Variants in ARHGEF38 observed in about 807,000 individuals in gnomAD.
ARHGEF38 encodes Rho guanine nucleotide exchange factor (GEF) 38.
A neutral mutation model predicts 79.9 loss-of-function variants in ARHGEF38; 79 were observed. The observed-to-expected ratio is 0.99, with a 90% CI of 0.82 to 1.19. The LOEUF is 1.19. Among genes scored for constraint, ARHGEF38 ranks in the 50% most tolerant of loss-of-function variants. The probability of loss-of-function intolerance (pLI) is 0.00; values close to 1 mark genes in which losing one functional copy is unlikely to be tolerated. For missense variants in ARHGEF38, 962 were observed against 907.2 expected (o/e 1.06, Z -0.78); for synonymous variants, 366 against 328.3 (o/e 1.11, Z -1.24).
intron 10 of ARHGEF38, among the ~76,000 whole-genome samples, chr4:105,662,489 A>G (rs930176715): frequency 6.6e-6 from 1 of 152,138 alleles, no homozygotes; most frequent in Non-Finnish European, 1.5e-5. Context: ...TAAGGCTCCA[A>G]ATAAATTCAG....
At position 105,585,842 on chromosome 4, in the gene ARHGEF38, C is replaced by T. The variant is rs150765192; in HGVS notation, c.197-3406C>T. Among the ~76,000 whole-genome samples, 47 of 138,740 alleles carry T rather than the reference C, an allele frequency of 3.4e-4. No individual in the cohort carries two copies. In the East Asian group the frequency reaches 0.011, roughly 33 times the overall value. The allele number at this position is 138,740 out of a possible 152,430, so 91.0% of individuals were successfully genotyped here. On this transcript the variant is annotated intron_variant, in intron 1 of 13. Coordinates refer to ENST00000420470, the MANE Select transcript of ARHGEF38 (RefSeq NM_001242729.2). ...CGCCTGGTGGGTTCAAGTGATTCTC[C>T]TGCCTTAGCCTCCCAAGTAGCTGGG... is the stretch of plus-strand genomic sequence containing the variant.
chr4:105,666,736 G>C (rs553726592), intron 11 of ARHGEF38, among the ~76,000 whole-genome samples: 1 of 152,084 alleles, frequency 6.6e-6, no homozygotes, highest in Non-Finnish European at 1.5e-5. Context: ...CTTGATTCTT[G>C]TCTAATTTGC....
At chr4:105,596,385 G>T (rs1727580988) in intron 2 of ARHGEF38, among the ~76,000 whole-genome samples, 3 of 152,168 alleles carry the variant, frequency 2.0e-5, no homozygotes, top group African/African-American at 7.2e-5. Flanking sequence ...AAACCAAGTT[G>T]CTGTAGCGTC....
intron 4 of ARHGEF38, among the ~76,000 whole-genome samples, chr4:105,634,581 T>A (rs1332459562): frequency 6.6e-6 from 1 of 152,150 alleles, no homozygotes; most frequent in South Asian, 2.1e-4. Flanking sequence ...TAAATGCAAA[T>A]GTAGCTATAA....
At chr4:105,590,330 G>C (rs1366210930) in intron 2 of ARHGEF38, among the ~76,000 whole-genome samples, 2 of 152,020 alleles carry the variant, frequency 1.3e-5, no homozygotes, top group Non-Finnish European at 2.9e-5. Flanking sequence ...TCATCATTAG[G>C]GTTGTAAATA....
intron 1 of ARHGEF38, among the ~76,000 whole-genome samples, chr4:105,576,246 C>G (rs977022690): frequency 9.9e-5 from 15 of 152,090 alleles, no homozygotes. Flanking sequence ...GCAGTATGAT[C>G]ATTTTCACAG....
rs148643396 is a variant in ARHGEF38 at position 105,614,325 on chromosome 4, G to A, written c.508+818G>A. ...ACAATTCAGGAGCACGTAGAGTAACGGTAAAATTTCCTTTCATATATCCCT... is the reference window on the plus strand; with the variant it reads ...ACAATTCAGGAGCACGTAGAGTAACAGTAAAATTTCCTTTCATATATCCCT... On this transcript the variant is annotated intron_variant, in intron 3 of 13. Transcript: ENST00000420470. Among the ~76,000 whole-genome samples, 81 of 152,172 alleles carry A rather than the reference G, an allele frequency of 5.3e-4. 1 individual carries two copies. In the East Asian group the frequency reaches 0.012, roughly 22 times the overall value.
intron 4 of ARHGEF38, among the ~76,000 whole-genome samples, chr4:105,632,249 A>G (rs1330093173): frequency 6.6e-6 from 1 of 152,130 alleles, no homozygotes; most frequent in Non-Finnish European, 1.5e-5. Flanking sequence ...ACCATTCTTC[A>G]TGCTATGGAA....
chr4:105,631,846 A>G (rs538285695), intron 4 of ARHGEF38, among the ~76,000 whole-genome samples: 1 of 152,196 alleles, frequency 6.6e-6, no homozygotes, highest in Non-Finnish European at 1.5e-5. Flanking sequence ...CATACTCCAC[A>G]TCTTACCCAG....
chr4:105,651,651 T>C (rs1730109791), intron 7 of ARHGEF38, among the ~76,000 whole-genome samples: 1 of 152,124 alleles, frequency 6.6e-6, no homozygotes, highest in African/African-American at 2.4e-5. Flanking sequence ...TCTCTCTCTC[T>C]TTTTTTAAAT....
At chr4:105,628,105 A>G (rs547761771) in intron 3 of ARHGEF38, among the ~76,000 whole-genome samples, 2 of 152,274 alleles carry the variant, frequency 1.3e-5, no homozygotes, top group South Asian at 2.1e-4. Flanking sequence ...GTTAAAGAAA[A>G]TGCAAGAGAA....
At position 105,678,272 on chromosome 4, in the gene ARHGEF38, C is replaced by CT. The variant is rs796741981; in HGVS notation, c.*345dup. The CT allele has an allele frequency of 7.2e-3, 1,286 of 178,552 alleles. 7 individuals are homozygous for CT. Among genetic ancestry groups the CT allele is most frequent in the African/African-American group, 0.015 (642 of 41,728 alleles). 11.1% of individuals were successfully genotyped at this position (178,552 alleles called of 1,614,324 possible). ...TTGGATCCAAAGGTTTTTCAATTTA[C>CT]TTTTTTTTTTACTGTATGATGTATT... On this transcript the variant is annotated 3_prime_UTR_variant, in exon 14 of 14. Transcript: ENST00000420470.
At chr4:105,662,073 C>T (rs183142180) in intron 10 of ARHGEF38, among the ~76,000 whole-genome samples, 217 of 152,178 alleles carry the variant, frequency 1.4e-3, no homozygotes, top group African/African-American at 4.8e-3. Flanking sequence ...TTTTGGATTC[C>T]CACTTGTAAC....
chr4:105,624,101 A>G (rs1188690159), intron 3 of ARHGEF38, among the ~76,000 whole-genome samples: 2 of 152,066 alleles, frequency 1.3e-5, no homozygotes, highest in Non-Finnish European at 2.9e-5. Flanking sequence ...CCTCTTCTTC[A>G]TCTCTCATTC....
In ARHGEF38 at chr4:105,589,387, T is replaced by C. The variant is rs146153509; in HGVS notation, c.336T>C (p.Asp112=). 2 of 1,613,836 alleles carry C rather than the reference T, an allele frequency of 1.2e-6. No homozygotes were observed. The highest frequency in any genetic ancestry group is 2.7e-5 in the African/African-American group (2 of 74,894). ...LIQTEKDYLN[D]LELCVREVVQ... ...AGACAGAAAAGGATTATCTCAATGA[T>C]CTAGAGCTGTGTGTTAGGGAAGTGG... is the stretch of plus-strand genomic sequence containing the variant. Residue 112 remains aspartate (D), a synonymous_variant, in exon 2 of 14, where the codon GAT becomes GAC. Transcript: ENST00000420470.
At chr4:105,594,420 A>G (rs1277361878) in intron 2 of ARHGEF38, among the ~76,000 whole-genome samples, 3 of 152,220 alleles carry the variant, frequency 2.0e-5, no homozygotes, top group Non-Finnish European at 2.9e-5. Context: ...AACTATAGCA[A>G]TAATCTGTAA....
intron 1 of ARHGEF38, among the ~76,000 whole-genome samples, chr4:105,562,886 G>A (rs1255459296): frequency 6.6e-6 from 1 of 152,196 alleles, no homozygotes; most frequent in Non-Finnish European, 1.5e-5. Context: ...ACAGGGAGAG[G>A]CCGAGCTGTG....
chr4:105,569,204 AT>A (rs1412021375), intron 1 of ARHGEF38, among the ~76,000 whole-genome samples: 1 of 152,140 alleles, frequency 6.6e-6, no homozygotes, highest in Non-Finnish European at 1.5e-5. Flanking sequence ...TCAGAAACTT[AT>A]TTGCATTGGT....
At chr4:105,572,577 C>T (rs1276072458) in intron 1 of ARHGEF38, among the ~76,000 whole-genome samples, 1 of 152,144 alleles carries the variant, frequency 6.6e-6, no homozygotes, top group Non-Finnish European at 1.5e-5. Context: ...GCAACCATCT[C>T]CACTTTCCGT....
Sources: gnomAD v4.1 joint callset for allele counts (sites outside exome capture counted in the v4.1 genomes callset) on GRCh38, gnomAD v4.1.1 for gene constraint, MANE v1.5 for transcripts, NCBI Gene and HGNC (gene_info 2026-07-23, HGNC 2026-07-21) for gene names.